CNTN4: variants seen among roughly 807,000 people sequenced by gnomAD.
CNTN4 encodes the protein contactin-4.
Under a neutral mutation model 122.5 loss-of-function variants are expected in CNTN4, and 77 were observed. The ratio of observed to expected loss-of-function variants is 0.63; its 90% CI spans 0.52 to 0.76. CNTN4 has a LOEUF of 0.76. Ranked by LOEUF, CNTN4 falls within the 30% of genes least tolerant of loss-of-function variation. CNTN4 has a pLI of 0.00. For missense variants in CNTN4, 1,256 were observed against 1,259.1 expected, an observed-to-expected ratio of 1.00 and a Z score of 0.04; for synonymous variants, 512 against 447.0, an observed-to-expected ratio of 1.15 and a Z score of -1.83.
At chr3:2,799,763 T>G (rs752608721) in intron 6 of CNTN4, among the ~76,000 whole-genome samples, 1 of 152,212 alleles carries the variant, frequency 6.6e-6, no homozygotes, top group African/African-American at 2.4e-5. Flanking sequence ...TATGGGTACA[T>G]AGTAGGTAAT....
intron 13 of CNTN4, among the ~76,000 whole-genome samples, chr3:2,943,612 TTATA>T (rs1241870460): frequency 4.0e-5 from 5 of 124,178 alleles, no homozygotes; most frequent in African/African-American, 8.9e-5. Context: ...ATAAATATAT[TTATA>T]TATATATATA....
chr3:2,821,694 A>G (rs1295762807), intron 7 of CNTN4, among the ~76,000 whole-genome samples: 1 of 152,234 alleles, frequency 6.6e-6, no homozygotes, highest in Non-Finnish European at 1.5e-5. Context: ...ATAACTGCAC[A>G]TAAGGGATTC....
chr3:2,440,795 C>A (rs919173487), intron 3 of CNTN4, among the ~76,000 whole-genome samples: 1 of 147,308 alleles, frequency 6.8e-6, no homozygotes, highest in Non-Finnish European at 1.5e-5. Context: ...TATATTCATA[C>A]ATATATAACA....
chr3:3,050,422 T>C (rs937797995), intron 23 of CNTN4, among the ~76,000 whole-genome samples: 2 of 152,028 alleles, frequency 1.3e-5, no homozygotes, highest in Non-Finnish European at 1.5e-5. Flanking sequence ...GGGAAAGCAA[T>C]TTGCCCAGAG....
intron 3 of CNTN4, among the ~76,000 whole-genome samples, chr3:2,446,530 CT>C (rs1204455752): frequency 6.6e-6 from 1 of 152,170 alleles, no homozygotes; most frequent in African/African-American, 2.4e-5. Flanking sequence ...ATTCCTTTCA[CT>C]CAAATTCAGT....
chr3:2,880,833 G>A (rs940852371), intron 8 of CNTN4, among the ~76,000 whole-genome samples: 1 of 152,178 alleles, frequency 6.6e-6, no homozygotes, highest in Non-Finnish European at 1.5e-5. Flanking sequence ...TGAGATTACA[G>A]CCTTGCTTGT....
intron 4 of CNTN4, among the ~76,000 whole-genome samples, chr3:2,708,727 TCACACACACACACACA>T (rs10530575): frequency 1.2e-4 from 18 of 150,894 alleles, no homozygotes; most frequent in African/African-American, 2.4e-4. Context: ...CACGCGCGCA[TCACACACACACACACA>T]CACACACACA....
chr3:2,154,081 C>G (rs1276776268), intron 2 of CNTN4, among the ~76,000 whole-genome samples: 1 of 151,864 alleles, frequency 6.6e-6, no homozygotes, highest in Non-Finnish European at 1.5e-5. Flanking sequence ...TTCCTGTTGT[C>G]TATGATAAAA....
chr3:2,852,743 A>G (rs539920017), intron 7 of CNTN4, among the ~76,000 whole-genome samples: 163 of 152,340 alleles, frequency 1.1e-3, no homozygotes, highest in African/African-American at 3.8e-3. Flanking sequence ...GTTCTAGAGT[A>G]GATACTTGAC....
At chr3:2,525,183 C>T (rs1408994002) in intron 3 of CNTN4, among the ~76,000 whole-genome samples, 1 of 152,050 alleles carries the variant, frequency 6.6e-6, no homozygotes, top group African/African-American at 2.4e-5. Context: ...CTGTGGAAGG[C>T]TGTTTGGATT....
chr3:2,855,524 G>A (rs1039616775), intron 7 of CNTN4, among the ~76,000 whole-genome samples: 3 of 152,222 alleles, frequency 2.0e-5, no homozygotes, highest in African/African-American at 2.4e-5. Flanking sequence ...TTCTGCTGAT[G>A]GAGATGGAGG....
chr3:2,782,353 A>G lies in CNTN4; in HGVS notation c.358+36656A>G, dbSNP rs144870826. Among the ~76,000 whole-genome samples, 1,240 of 152,104 alleles carry G rather than the reference A, an allele frequency of 8.2e-3. 20 individuals carry two copies. Among genetic ancestry groups the G allele is most frequent in the African/African-American group, 0.028 (1,147 of 41,496 alleles). On this transcript the variant is annotated intron_variant, in intron 6 of 24. Coordinates refer to ENST00000418658, the MANE Select transcript of CNTN4 (RefSeq NM_175607.3). ...GCAAGATACCTCTGCATGCTGTATG[A>G]ACCCTTTCAGTCTGCCTTCCATGAT...
chr3:2,919,189 C>CAA (rs72363068), intron 12 of CNTN4, among the ~76,000 whole-genome samples: 2,957 of 137,940 alleles, frequency 0.021, 103 homozygotes, highest in African/African-American at 0.071. Context: ...ACTAAAAATA[C>CAA]AAAAAAAAAA....
At chr3:2,433,807 A>C (rs928188023) in intron 3 of CNTN4, among the ~76,000 whole-genome samples, 1 of 152,168 alleles carries the variant, frequency 6.6e-6, no homozygotes, top group African/African-American at 2.4e-5. Flanking sequence ...TTACGATGTG[A>C]GGTAAGTTTC....
At chr3:2,442,987 A>G (rs1194137227) in intron 3 of CNTN4, among the ~76,000 whole-genome samples, 1 of 152,038 alleles carries the variant, frequency 6.6e-6, no homozygotes, top group Non-Finnish European at 1.5e-5. Context: ...TTATTTATGA[A>G]AAATAGGGAG....
intron 4 of CNTN4, among the ~76,000 whole-genome samples, chr3:2,682,335 G>T (rs2085205973): frequency 6.6e-6 from 1 of 152,140 alleles, no homozygotes; most frequent in South Asian, 2.1e-4. Context: ...GGAAAAGGTG[G>T]CTCGTTCACT....
At chr3:2,789,151 C>T (rs932884133) in intron 6 of CNTN4, among the ~76,000 whole-genome samples, 7 of 152,128 alleles carry the variant, frequency 4.6e-5, no homozygotes, top group African/African-American at 1.2e-4. Context: ...TCAAAATAAG[C>T]ATAGCAAATG....
chr3:2,584,713 AAAAAAAAAGAAT>A (rs1332507280), intron 4 of CNTN4, among the ~76,000 whole-genome samples: 1 of 151,034 alleles, frequency 6.6e-6, no homozygotes, highest in Non-Finnish European at 1.5e-5. Flanking sequence ...AAAAAAAAAA[AAAAAAAAAGAAT>A]AAAAAAAAGG....
rs867775002 is a variant in CNTN4, at chr3:2,461,959, T to C, written c.-88-109457T>C. ...TGATTCTCAAAGAGAAGAAGCTTTC[T>C]TCTCCCACTCCAGGAGCATGTGCAA... is the stretch of plus-strand genomic sequence containing the variant. On this transcript the variant is annotated intron_variant, in intron 3 of 24. Coordinates refer to ENST00000418658, the MANE Select transcript of CNTN4 (RefSeq NM_175607.3). Among the ~76,000 whole-genome samples, 8 of 152,302 alleles carry C rather than the reference T, an allele frequency of 5.3e-5. No homozygotes were observed. The Middle Eastern group carries it at 0.017, about 324-fold the overall frequency.
Sources: allele counts gnomAD v4.1 joint callset (sites outside exome capture counted in the v4.1 genomes callset), GRCh38; gene constraint gnomAD v4.1.1; transcripts MANE v1.5; gene names NCBI Gene and HGNC (gene_info 2026-07-23, HGNC 2026-07-21).